AHDC1: variants seen among roughly 807,000 people sequenced by gnomAD.
AHDC1 encodes the protein transcription factor Gibbin.
Under a neutral mutation model 87.9 loss-of-function variants are expected in AHDC1, and 7 were observed. The ratio of observed to expected loss-of-function variants is 0.08; its 90% CI spans 0.05 to 0.15. The LOEUF (loss-of-function observed/expected upper bound fraction) is 0.15, where lower values mean the gene tolerates loss of function less well. Ranked by LOEUF, AHDC1 falls within the 10% of genes least tolerant of loss-of-function variation. The pLI, the probability that AHDC1 is intolerant of heterozygous loss-of-function variation, is 1.00. For missense variants in AHDC1, 1,841 were observed against 2,253.2 expected (o/e 0.82, Z 3.70); for synonymous variants, 1,051 against 1,006.8 (o/e 1.04, Z -0.83).
intron 3 of AHDC1, among the ~76,000 whole-genome samples, chr1:27,569,012 C>T (rs1263475613): frequency 1.3e-5 from 2 of 152,026 alleles, no homozygotes; most frequent in Non-Finnish European, 1.5e-5. Flanking sequence ...AGAAATCGGC[C>T]GTAAGAAGAG....
chr1:27,555,868 C>T (rs1306172718), intron 5 of AHDC1, among the ~76,000 whole-genome samples: 1 of 152,280 alleles, frequency 6.6e-6, no homozygotes, highest in East Asian at 1.9e-4. Flanking sequence ...CCTCTGGGCA[C>T]GTCCTCCTGC....
intron 3 of AHDC1, among the ~76,000 whole-genome samples, chr1:27,568,707 C>A (rs1330247336): frequency 1.3e-5 from 2 of 151,664 alleles, no homozygotes; most frequent in Admixed American, 1.3e-4. Flanking sequence ...CCGGCCGCGG[C>A]GCGGGTGCCC....
At position 27,551,812 on chromosome 1, in the gene AHDC1, C is replaced by T. The variant is rs752038684; in HGVS notation, c.304G>A (p.Gly102Arg). 3.7e-5 allele frequency: 60 copies of T among 1,612,260 alleles called. No homozygotes were observed. Among genetic ancestry groups the T allele is most frequent in the African/African-American group, 6.7e-5 (5 of 74,844 alleles). The change falls in exon 8 of 9, where the codon GGA (glycine) becomes AGA (arginine). Residue 102 changes from glycine (G) to arginine (R), a missense_variant. Physicochemically the swap from Gly to Arg is moderately radical, Grantham distance 125 (BLOSUM62 -2). Transcript: ENST00000673934. ...CAGCGTCGGGAGCTGCTGCCGTCTC[C>T]GACCGGTGTGGGGCAGCGGGCCTGT... ...VSQARCPTPV[G>R]DGSSSRRCWD...
Position 27,549,050 on chromosome 1 carries a change from T to C in AHDC1, c.3066A>G (p.Pro1022=). 1 of 1,575,468 alleles carries C rather than the reference T, an allele frequency of 6.3e-7. No individual in the cohort carries two copies. Among genetic ancestry groups the C allele is most frequent in the East Asian group, 2.2e-5 (1 of 44,472 alleles). The change falls in exon 8 of 9, where the codon CCA becomes CCG. Residue 1022 remains proline, a synonymous_variant. Transcript: ENST00000673934. ...PSSAHSAGYA[P]PPTGGPCLPP... ...GCAGGCAGGGGCCCCCGGTAGGCGG[T>C]GGGGCATAGCCGGCGCTGTGGGCGC...
intron 8 of AHDC1, among the ~76,000 whole-genome samples, chr1:27,536,886 G>A (rs1410756498): frequency 7.1e-6 from 1 of 140,218 alleles, no homozygotes; most frequent in Non-Finnish European, 1.5e-5. Flanking sequence ...CTTAGCCACT[G>A]CCAGTGACCC....
intron 3 of AHDC1, among the ~76,000 whole-genome samples, chr1:27,572,798 C>G (rs890236946): frequency 1.3e-5 from 2 of 152,218 alleles, no homozygotes; most frequent in Non-Finnish European, 2.9e-5. Context: ...CACTGCCAGC[C>G]TCCTTGTCCT....
rs372265193 is a variant in AHDC1 at position 27,595,450 on chromosome 1, C to CTGTG, written c.-629+7943_-629+7946dup. Among the ~76,000 whole-genome samples the CTGTG allele has an allele frequency of 2.1e-4, 30 of 144,684 alleles. No homozygotes were observed. The highest frequency in any genetic ancestry group is 5.9e-4 in the African/African-American group (23 of 38,710). 94.9% of individuals were successfully genotyped at this position (144,684 alleles called of 152,430 possible). On this transcript the variant is annotated intron_variant, in intron 3 of 8. Coordinates refer to ENST00000673934, the MANE Select transcript of AHDC1 (RefSeq NM_001371928.1). The surrounding 1 kb of genome is among the most constrained non-coding windows in gnomAD (Gnocchi z 4.0). ...GGTTGATATGCTGAGGGTGTGATAGCTGTGTGTGTGTGTGTGTGTGATTGT... is the reference window on the plus strand; with the variant it reads ...GGTTGATATGCTGAGGGTGTGATAGCTGTGTGTGTGTGTGTGTGTGTGTGATTGT...
In AHDC1 at chr1:27,549,122, G is replaced by T; in HGVS notation, c.2994C>A (p.Cys998Ter). ...TGTTGCCACTGCCATAGGCGAAGCT[G>T]CAGTCCTTGCTGTTAGCGCAGTCCT... ...TGQDCANSKD[C>*]SFAYGSGNSL... The change falls in exon 8 of 9, where the codon TGC becomes TGA. Residue 998 changes from cysteine to a stop codon, truncating the protein, a stop_gained. Coordinates refer to ENST00000673934, the MANE Select transcript of AHDC1 (RefSeq NM_001371928.1). LOFTEE classifies it high-confidence loss of function. The T allele has an allele frequency of 6.4e-7, 1 of 1,552,640 alleles. No homozygotes were observed.
In AHDC1 at chr1:27,550,720, C is replaced by T; in HGVS notation, c.1396G>A (p.Gly466Ser). The T allele has an allele frequency of 6.2e-7, 1 of 1,602,024 alleles. No individual in the cohort carries two copies. The highest frequency in any genetic ancestry group is 1.1e-5 in the South Asian group (1 of 89,630). The change falls in exon 8 of 9, where the codon GGC becomes AGC. Residue 466 changes from glycine (G) to serine (S), a missense_variant. Gly to Ser is a moderately conservative substitution (Grantham distance 56). Around this residue, in one of 13 missense-constraint regions of AHDC1, gnomAD observed 370 missense variants for 391.5 expected, o/e 0.95. Coordinates refer to ENST00000673934, the MANE Select transcript of AHDC1 (RefSeq NM_001371928.1). ...SQTPVVSTRK[G>S]KCRGVRRMVV... ...ATGCGCCGCACGCCCCGGCACTTGCCTTTGCGGGTAGAGACCACTGGGGTC... is the reference window on the plus strand; with the variant it reads ...ATGCGCCGCACGCCCCGGCACTTGCTTTTGCGGGTAGAGACCACTGGGGTC...
rs143309746 is a variant in AHDC1, at chr1:27,599,934, A to G, written c.-629+3463T>C. 7.1e-3 allele frequency among the ~76,000 whole-genome samples: 1,078 copies of G among 151,568 alleles called. 9 individuals carry two copies. The highest frequency in any genetic ancestry group is 0.011 in the Non-Finnish European group (719 of 67,876). On this transcript the variant is annotated intron_variant, in intron 3 of 8. Transcript: ENST00000673934. Reference sequence around the variant, plus strand: ...CCTGTCCTCCTCCCTCTTCCCAAACATCTGCTTGTCTCTCCTCCAAAAACA... The same window carrying G: ...CCTGTCCTCCTCCCTCTTCCCAAACGTCTGCTTGTCTCTCCTCCAAAAACA...
Position 27,557,328 on chromosome 1 carries a change from G to A in AHDC1, c.-225+977C>T, listed in dbSNP as rs983541442. ...GTCCTTGTCTTTCCTTCTGTCTCCC[G>A]GAGGACTCCCCTCCTCCAGCCCCAC... On this transcript the variant is annotated intron_variant, in intron 5 of 8. Coordinates refer to ENST00000673934, the MANE Select transcript of AHDC1 (RefSeq NM_001371928.1). Among the ~76,000 whole-genome samples the A allele has an allele frequency of 2.9e-5, 4 of 138,564 alleles. No homozygotes were observed. In the East Asian group the frequency reaches 9.4e-4, roughly 33 times the overall value. The allele number at this position is 138,564 out of a possible 152,430, so 90.9% of individuals were successfully genotyped here.
chr1:27,596,363 G>C (rs560891593), intron 3 of AHDC1, among the ~76,000 whole-genome samples: 3 of 152,234 alleles, frequency 2.0e-5, no homozygotes, highest in Admixed American at 6.5e-5. Flanking sequence ...ACACAGGCTG[G>C]GGGTGGGGGA....
rs922057544 is a variant in AHDC1, at chr1:27,549,088, C to T, written c.3028G>A (p.Ala1010Thr). ...GCGCTGTGGGCGCTGCTGGGTGAGG[C>T]AGGGAGGCTGTTGCCACTGCCATAG... Reference protein sequence around the residue: ...FAYGSGNSLPASPSSAHSAGY... With the variant: ...FAYGSGNSLPTSPSSAHSAGY... The change falls in exon 8 of 9, where the codon GCC becomes ACC. Residue 1010 changes from alanine (A) to threonine (T), a missense_variant. Coordinates refer to ENST00000673934, the MANE Select transcript of AHDC1 (RefSeq NM_001371928.1). 3 of 1,556,336 alleles carry T rather than the reference C, an allele frequency of 1.9e-6. No individual in the cohort carries two copies. Among genetic ancestry groups the T allele is most frequent in the East Asian group, 2.3e-5 (1 of 44,322 alleles).
intron 5 of AHDC1, among the ~76,000 whole-genome samples, chr1:27,557,293 C>G (rs959198524): frequency 6.7e-6 from 1 of 149,492 alleles, no homozygotes; most frequent in Non-Finnish European, 1.5e-5. Context: ...CTTGGCCCTT[C>G]CAGACTCCCG....
chr1:27,539,139 T>C (rs945924062), intron 8 of AHDC1, among the ~76,000 whole-genome samples: 1 of 119,754 alleles, frequency 8.4e-6, no homozygotes, highest in African/African-American at 4.8e-5. Flanking sequence ...TTTTCTTTTC[T>C]TTTTTTTTTT....
Position 27,558,589 on chromosome 1 carries a change from G to T in AHDC1, c.-450-59C>A, listed in dbSNP as rs2148332269. ...TAATATGTTTTGATTCTGTAAAGAA[G>T]CTCTTTTTGACCTAAGCTGGGAGGG... is the stretch of plus-strand genomic sequence containing the variant. On this transcript the variant is annotated intron_variant, in intron 4 of 8. Coordinates refer to ENST00000673934, the MANE Select transcript of AHDC1 (RefSeq NM_001371928.1). The surrounding 1 kb of genome is among the most constrained non-coding windows in gnomAD (Gnocchi z 5.6). The T allele has an allele frequency of 2.5e-6, 1 of 397,324 alleles. No individual in the cohort carries two copies. Among genetic ancestry groups the T allele is most frequent in the African/African-American group, 2.1e-5 (1 of 48,752 alleles). 24.6% of individuals were successfully genotyped at this position (397,324 alleles called of 1,614,324 possible).
intron 3 of AHDC1, among the ~76,000 whole-genome samples, chr1:27,564,494 G>C (rs553204239): frequency 7.9e-5 from 12 of 152,196 alleles, no homozygotes; most frequent in African/African-American, 2.7e-4. Flanking sequence ...AAAGTGGGCC[G>C]CTCCTCAAGA....
Position 27,551,513 on chromosome 1 carries a change from C to G in AHDC1, c.603G>C (p.Glu201Asp). Residue 201 changes from glutamate (E) to aspartate (D), a missense_variant, in exon 8 of 9, where the codon GAG becomes GAC. Physicochemically the swap from Glu to Asp is conservative, Grantham distance 45 (BLOSUM62 2). Coordinates refer to ENST00000673934, the MANE Select transcript of AHDC1 (RefSeq NM_001371928.1). The stretch of plus-strand genomic sequence containing the variant: ...GCTGGGGACTGTCCCTAGGCTCAGG[C>G]TCAGGCTCGTAGAGGGGATGGCTGG... ...ERPSHPLYEP[E>D]PEPRDSPQPG... 1.2e-6 allele frequency: 2 copies of G among 1,604,396 alleles called. No individual in the cohort carries two copies. The highest frequency in any genetic ancestry group is 1.7e-6 in the Non-Finnish European group (2 of 1,174,954).
At chr1:27,569,491 A>G (rs956300399) in intron 3 of AHDC1, among the ~76,000 whole-genome samples, 1 of 151,982 alleles carries the variant, frequency 6.6e-6, no homozygotes, top group Non-Finnish European at 1.5e-5. Context: ...CACACACACA[A>G]CTGCAGACAG....
Sources: gnomAD v4.1 joint callset for allele counts (sites outside exome capture counted in the v4.1 genomes callset) on GRCh38, gnomAD v4.1.1 for gene constraint, gnomAD v4.1.1 regional missense constraint, Gnocchi (gnomAD v3.1) non-coding constraint, MANE v1.5 for transcripts, NCBI Gene and HGNC (gene_info 2026-07-23, HGNC 2026-07-21) for gene names.